The following SLC35F1 variants were observed in gnomAD, a reference collection of about 807,000 sequenced individuals.
The protein encoded by SLC35F1 is chromosome 6 open reading frame 169.
SLC35F1 carries 14 observed loss-of-function variants against 48.7 expected under a neutral mutation model. That is an observed-to-expected ratio of 0.29 (90% confidence interval 0.19 to 0.45). SLC35F1 has a LOEUF of 0.45. Ranked by LOEUF, SLC35F1 falls within the 20% of genes least tolerant of loss-of-function variation. The pLI is 1.00. For missense variants in SLC35F1, 404 were observed against 500.0 expected, an observed-to-expected ratio of 0.81 and a Z score of 1.83; for synonymous variants, 190 against 202.2, an observed-to-expected ratio of 0.94 and a Z score of 0.51.
chr6:118,181,124 C>T (rs1399075069), intron 2 of SLC35F1, among the ~76,000 whole-genome samples: 1 of 152,008 alleles, frequency 6.6e-6, no homozygotes, highest in Non-Finnish European at 1.5e-5. Flanking sequence ...GAGTTTCCTA[C>T]TAACAGATTT....
intron 1 of SLC35F1, among the ~76,000 whole-genome samples, chr6:117,968,737 C>G (rs1562251234): frequency 6.6e-6 from 1 of 152,068 alleles, no homozygotes; most frequent in African/African-American, 2.4e-5. Context: ...TGGTATAAAC[C>G]TGCTGTTTCT....
chr6:117,928,556 A>G (rs1776058485), intron 1 of SLC35F1, among the ~76,000 whole-genome samples: 1 of 152,208 alleles, frequency 6.6e-6, no homozygotes, highest in African/African-American at 2.4e-5. Context: ...GATGAGAACC[A>G]GGCCTCCAGA....
chr6:118,286,768 C>A (rs991734643), intron 7 of SLC35F1, among the ~76,000 whole-genome samples: 1 of 145,152 alleles, frequency 6.9e-6, no homozygotes, highest in Non-Finnish European at 1.5e-5. Flanking sequence ...ACATAGTTAC[C>A]TTTTTTCTGT....
At chr6:118,291,837 GC>G (rs2114649180) in intron 7 of SLC35F1, among the ~76,000 whole-genome samples, 1 of 152,308 alleles carries the variant, frequency 6.6e-6, no homozygotes, top group Admixed American at 6.5e-5. Context: ...TACTGATGTG[GC>G]TGGGCACGGT....
intron 2 of SLC35F1, among the ~76,000 whole-genome samples, chr6:118,229,506 G>A (rs184912716): frequency 5.4e-4 from 82 of 152,264 alleles, no homozygotes; most frequent in African/African-American, 1.6e-3. Flanking sequence ...GGAAAGATCC[G>A]TTAATGAGAA....
chr6:117,971,731 G>A (rs1297907244), intron 1 of SLC35F1, among the ~76,000 whole-genome samples: 1 of 152,246 alleles, frequency 6.6e-6, no homozygotes, highest in Non-Finnish European at 1.5e-5. Context: ...TGAAGCAACA[G>A]CCTGACCTGT....
At chr6:118,049,150 A>G (rs6568996) in intron 1 of SLC35F1, among the ~76,000 whole-genome samples, 151,438 of 152,272 alleles carry the variant, frequency 0.99, 75,310 homozygotes, top group Middle Eastern at 1. Context: ...CTGGGAAAAC[A>G]GGCTAGCCAA....
At chr6:118,184,142 CACAAGTA>C (rs1774622701) in intron 2 of SLC35F1, among the ~76,000 whole-genome samples, 1 of 152,134 alleles carries the variant, frequency 6.6e-6, no homozygotes, top group Non-Finnish European at 1.5e-5. Flanking sequence ...AAGCACAGGA[CACAAGTA>C]ACAATATAAC....
chr6:118,233,598 T>A (rs1182702824), intron 2 of SLC35F1, among the ~76,000 whole-genome samples: 1 of 152,216 alleles, frequency 6.6e-6, no homozygotes, highest in Non-Finnish European at 1.5e-5. Context: ...CCTTGCTATA[T>A]GTCAGTATGC....
At chr6:118,210,096 C>T (rs1409620916) in intron 2 of SLC35F1, among the ~76,000 whole-genome samples, 1 of 152,076 alleles carries the variant, frequency 6.6e-6, no homozygotes, top group African/African-American at 2.4e-5. Context: ...CAAAAGGAAC[C>T]CAATTATGCA....
intron 1 of SLC35F1, among the ~76,000 whole-genome samples, chr6:117,969,059 C>G (rs1210365938): frequency 1.3e-5 from 2 of 152,124 alleles, no homozygotes; most frequent in Non-Finnish European, 2.9e-5. Flanking sequence ...TTCATAATTT[C>G]AGTACTATAT....
chr6:117,960,324 T>C (rs1776482147), intron 1 of SLC35F1, among the ~76,000 whole-genome samples: 1 of 151,438 alleles, frequency 6.6e-6, no homozygotes, highest in African/African-American at 2.4e-5. Flanking sequence ...GAAGATAATA[T>C]CTTTAAATGA....
intron 4 of SLC35F1, among the ~76,000 whole-genome samples, chr6:118,267,832 A>T (rs1775794219): frequency 6.6e-6 from 1 of 152,126 alleles, no homozygotes; most frequent in South Asian, 2.1e-4. Context: ...CTGCTGGGGG[A>T]GCCCTGAGTC....
intron 7 of SLC35F1, among the ~76,000 whole-genome samples, chr6:118,309,646 C>G (rs1776351396): frequency 1.3e-5 from 2 of 152,200 alleles, no homozygotes; most frequent in Non-Finnish European, 2.9e-5. Context: ...AAATGACTTT[C>G]AAACCACATG....
chr6:118,286,984 T>C (rs914999530), intron 7 of SLC35F1, among the ~76,000 whole-genome samples: 2 of 152,198 alleles, frequency 1.3e-5, no homozygotes, highest in African/African-American at 4.8e-5. Context: ...GTTCCTATTT[T>C]ATATGGAGCC....
At chr6:118,280,601 G>A (rs963016652) in intron 6 of SLC35F1, among the ~76,000 whole-genome samples, 2 of 152,132 alleles carry the variant, frequency 1.3e-5, no homozygotes, top group South Asian at 4.1e-4. Flanking sequence ...TTCCTGGCCA[G>A]GTGCAGTGGC....
intron 1 of SLC35F1, among the ~76,000 whole-genome samples, chr6:117,916,877 A>G (rs1270822188): frequency 6.6e-6 from 1 of 152,234 alleles, no homozygotes; most frequent in East Asian, 1.9e-4. Context: ...CCATTTAACA[A>G]AGAATTACTG....
intron 1 of SLC35F1, among the ~76,000 whole-genome samples, chr6:117,971,689 G>A (rs1776640656): frequency 6.6e-6 from 1 of 152,394 alleles, no homozygotes; most frequent in East Asian, 1.9e-4. Flanking sequence ...AATGCCACAT[G>A]TAAACCACCA....
intron 1 of SLC35F1, among the ~76,000 whole-genome samples, chr6:118,040,681 C>T (rs1772203726): frequency 2.0e-5 from 3 of 151,744 alleles, no homozygotes; most frequent in Admixed American, 1.3e-4. Context: ...AGTTTAACCT[C>T]ATCCTCATCG....
Sources: allele counts gnomAD v4.1 joint callset (sites outside exome capture counted in the v4.1 genomes callset), GRCh38; gene constraint gnomAD v4.1.1; transcripts MANE v1.5; gene names NCBI Gene and HGNC (gene_info 2026-07-23, HGNC 2026-07-21).